GALNT16: variants seen among roughly 807,000 people sequenced by gnomAD.
GALNT16 encodes polypeptide N-acetylgalactosaminyltransferase 16.
Under a neutral mutation model 76.1 loss-of-function variants are expected in GALNT16, and 40 were observed. The observed-to-expected ratio is 0.53, with a 90% CI of 0.41 to 0.68. The LOEUF is 0.68. GALNT16 is among the 30% of genes least tolerant of loss of function. The probability of loss-of-function intolerance (pLI) is 0.00; values close to 1 mark genes in which losing one functional copy is unlikely to be tolerated. For synonymous variants in GALNT16, 276 were observed against 285.2 expected (o/e 0.97, Z 0.32); for missense variants, 621 against 731.9 (o/e 0.85, Z 1.75).
chr14:69,274,664 A>G (rs2044448815), intron 1 of GALNT16, among the ~76,000 whole-genome samples: 1 of 152,210 alleles, frequency 6.6e-6, no homozygotes, highest in African/African-American at 2.4e-5. Context: ...AAATATTGCC[A>G]AGCCTTGTAT....
intron 12 of GALNT16, among the ~76,000 whole-genome samples, chr14:69,342,038 G>C (rs2045494451): frequency 6.6e-6 from 1 of 152,172 alleles, no homozygotes; most frequent in African/African-American, 2.4e-5. Context: ...CATAGCAAAG[G>C]CTGCAGAGAC....
chr14:69,335,672 G>T (rs1189319673), intron 9 of GALNT16, among the ~76,000 whole-genome samples: 1 of 152,190 alleles, frequency 6.6e-6, no homozygotes, highest in East Asian at 1.9e-4. Context: ...TTTCTTAGAA[G>T]AAATTCAAAG....
chr14:69,298,691 G>C (rs2044802606), intron 1 of GALNT16: 1 of 152,280 alleles, frequency 6.6e-6, no homozygotes, highest in Admixed American at 6.5e-5. Flanking sequence ...TGGTCCTTGT[G>C]ACAGAAGACA....
At chr14:69,289,255 G>A (rs1463976766) in intron 1 of GALNT16, among the ~76,000 whole-genome samples, 1 of 152,146 alleles carries the variant, frequency 6.6e-6, no homozygotes, top group Non-Finnish European at 1.5e-5. Flanking sequence ...GAGTGGCTGA[G>A]TCCATGTGGA....
In GALNT16 at chr14:69,338,705, G is replaced by A. The variant is rs1259510688; in HGVS notation, c.1022G>A (p.Ser341Asn). 2 of 1,614,012 alleles carry A rather than the reference G, an allele frequency of 1.2e-6. No individual in the cohort carries two copies. Among genetic ancestry groups the A allele is most frequent in the Non-Finnish European group, 1.7e-6 (2 of 1,179,956 alleles). ...GGCAGTCTGGAGATCGTCCCCTGCA[G>A]CCGGGTGGGCCATGTCTTCAGGAAA... ...CGGSLEIVPC[S>N]RVGHVFRKRH... Residue 341 changes from serine (S) to asparagine (N), a missense_variant, in exon 10 of 15, where the codon AGC (serine) becomes AAC (asparagine). Transcript: ENST00000448469.
At chr14:69,314,630 T>G (rs1001914841) in intron 1 of GALNT16, among the ~76,000 whole-genome samples, 1 of 152,212 alleles carries the variant, frequency 6.6e-6, no homozygotes, top group Non-Finnish European at 1.5e-5. Context: ...GGAACCCTCC[T>G]TTTCATTTGG....
At chr14:69,361,734 C>T (rs933869753), downstream of GALNT16, among the ~76,000 whole-genome samples, 5 of 152,050 alleles carry the variant, frequency 3.3e-5, no homozygotes, top group Non-Finnish European at 7.4e-5. Context: ...GGGCCCAGTG[C>T]GGTGGCTCAC....
At chr14:69,331,321 G>A in intron 6 of GALNT16, 143 bp from the exon 7 acceptor site, 1 of 645,710 alleles carries the variant, frequency 1.5e-6, no homozygotes, top group Non-Finnish European at 2.8e-6. Flanking sequence ...AGCCTGCCAG[G>A]GTTGAGGGGT....
chr14:69,381,604 C>T, the GALNT16 span, among the ~76,000 whole-genome samples: 1 of 152,006 alleles, frequency 6.6e-6, no homozygotes, highest in Non-Finnish European at 1.5e-5. Flanking sequence ...TACTGGGTGT[C>T]GCTTTAAATT....
chr14:69,355,408 C>G (rs2045685612), downstream of GALNT16: 1 of 152,432 alleles, frequency 6.6e-6, no homozygotes, highest in Non-Finnish European at 1.5e-5. Flanking sequence ...GAGCACAGCC[C>G]ACCACCCACC....
chr14:69,311,679 T>C (rs1298736355), intron 1 of GALNT16, among the ~76,000 whole-genome samples: 1 of 152,198 alleles, frequency 6.6e-6, no homozygotes, highest in African/African-American at 2.4e-5. Flanking sequence ...GTGCCAATAA[T>C]GTGCCATATC....
At chr14:69,293,893 A>G (rs972627845) in intron 1 of GALNT16, among the ~76,000 whole-genome samples, 15 of 151,154 alleles carry the variant, frequency 9.9e-5, no homozygotes, top group African/African-American at 3.7e-4. Flanking sequence ...GCCAGAACCC[A>G]TACTTTTTTT....
chr14:69,322,216 C>G (rs1213345008), intron 2 of GALNT16, among the ~76,000 whole-genome samples: 1 of 152,258 alleles, frequency 6.6e-6, no homozygotes, highest in African/African-American at 2.4e-5. Context: ...AGGACACCAC[C>G]AGGCCTGCTG....
At chr14:69,281,332 A>T (rs898124097) in intron 1 of GALNT16, among the ~76,000 whole-genome samples, 3 of 152,206 alleles carry the variant, frequency 2.0e-5, no homozygotes, top group African/African-American at 7.2e-5. Flanking sequence ...ACAGCTAATC[A>T]GTCACAGTGC....
intron 1 of GALNT16, among the ~76,000 whole-genome samples, chr14:69,265,530 G>C (rs1181304989): frequency 6.6e-6 from 1 of 152,212 alleles, no homozygotes; most frequent in African/African-American, 2.4e-5. Context: ...CTGTCTCACT[G>C]TAATGGAGGA....
chr14:69,345,703 A>AGTGTGTGTGTGTGT (rs55871607), intron 12 of GALNT16, among the ~76,000 whole-genome samples: 9,973 of 134,928 alleles, frequency 0.074, 548 homozygotes, highest in South Asian at 0.1. Flanking sequence ...ATAAGGTGTC[A>AGTGTGTGTGTGTGT]GTGTGTGTGT....
intron 1 of GALNT16, among the ~76,000 whole-genome samples, chr14:69,288,454 C>A (rs78274169): frequency 0.021 from 3,145 of 152,322 alleles, 112 homozygotes; most frequent in African/African-American, 0.072. Context: ...ACCTGACCCC[C>A]ATTGACACAG....
chr14:69,384,366 A>G, the GALNT16 span, among the ~76,000 whole-genome samples: 37 of 152,378 alleles, frequency 2.4e-4, no homozygotes, highest in African/African-American at 8.9e-4. Context: ...TTAGCAAACT[A>G]AAGTTTAGCA....
At chr14:69,325,552 C>G (rs1349663803) in intron 4 of GALNT16, 148 bp downstream of exon 4, 2 of 663,094 alleles carry the variant, frequency 3.0e-6, no homozygotes, top group African/African-American at 3.5e-5. Context: ...TAGGACCCCT[C>G]CCTGGTCCTG....
Sources: gnomAD v4.1 joint callset for allele counts (sites outside exome capture counted in the v4.1 genomes callset) on GRCh38, gnomAD v4.1.1 for gene constraint, MANE v1.5 for transcripts, NCBI Gene and HGNC (gene_info 2026-07-23, HGNC 2026-07-21) for gene names.